The following OR9Q1 variants were observed in gnomAD, a reference collection of about 807,000 sequenced individuals.
OR9Q1 encodes olfactory receptor family 9 subfamily Q member 1, also known as olfactory receptor 9Q1.
For synonymous variants in OR9Q1, 153 were observed against 148.6 expected (o/e 1.03, Z -0.22); for missense variants, 374 against 378.8 (o/e 0.99, Z 0.11).
intron 2 of OR9Q1, among the ~76,000 whole-genome samples, chr11:58,082,174 C>G (rs1238535530): frequency 6.6e-6 from 1 of 152,082 alleles, no homozygotes; most frequent in Non-Finnish European, 1.5e-5. Context: ...GGACTGTAAA[C>G]TAGTTCAACC....
At chr11:58,162,995 G>A (rs1854470043) in intron 2 of OR9Q1, among the ~76,000 whole-genome samples, 1 of 152,152 alleles carries the variant, frequency 6.6e-6, no homozygotes, top group Non-Finnish European at 1.5e-5. Flanking sequence ...TGAGAGAGAA[G>A]CTTTGTTTGG....
In OR9Q1 at chr11:58,054,902, C is replaced by T. The variant is rs563484861; in HGVS notation, c.-92-968C>T. Among the ~76,000 whole-genome samples the T allele has an allele frequency of 6.6e-5, 10 of 152,250 alleles. 1 individual carries two copies. In the South Asian group the frequency reaches 1.0e-3, roughly 16 times the overall value. On this transcript the variant is annotated intron_variant, in intron 1 of 2. Coordinates refer to ENST00000335397, the MANE Select transcript of OR9Q1 (RefSeq NM_001005212.4). ...TCGCACCACTGCACTCCAGCCTGGG[C>T]GACAGAGCAAGACTTTGTCTCAAAC... is the stretch of plus-strand genomic sequence containing the variant.
At chr11:58,088,605 C>T (rs573374116) in intron 2 of OR9Q1, among the ~76,000 whole-genome samples, 2 of 152,066 alleles carry the variant, frequency 1.3e-5, no homozygotes, top group African/African-American at 2.4e-5. Flanking sequence ...GGTTTGTTGG[C>T]CGCATAAGTG....
At chr11:58,090,931 G>T (rs1458178936) in intron 2 of OR9Q1, among the ~76,000 whole-genome samples, 4 of 152,148 alleles carry the variant, frequency 2.6e-5, no homozygotes, top group African/African-American at 7.2e-5. Context: ...TATTTGCATA[G>T]AGGTATTTAT....
At chr11:58,057,181 CAG>C (rs1257737910) in intron 2 of OR9Q1, among the ~76,000 whole-genome samples, 24 of 152,004 alleles carry the variant, frequency 1.6e-4, no homozygotes, top group African/African-American at 5.8e-4. Flanking sequence ...TTAGTAGAGA[CAG>C]AGTTTTACCA....
intron 2 of OR9Q1, among the ~76,000 whole-genome samples, chr11:58,141,984 G>A (rs1366307896): frequency 6.6e-6 from 1 of 152,128 alleles, no homozygotes; most frequent in African/African-American, 2.4e-5. Flanking sequence ...TCAGAGAAGG[G>A]TGGTCCATTG....
chr11:58,126,442 T>C (rs2119829019), intron 2 of OR9Q1, among the ~76,000 whole-genome samples: 1 of 152,290 alleles, frequency 6.6e-6, no homozygotes, highest in South Asian at 2.1e-4. Context: ...AGAAGAAATC[T>C]CAAAGAGGCC....
intron 2 of OR9Q1, among the ~76,000 whole-genome samples, chr11:58,100,234 A>G (rs1478501252): frequency 6.6e-6 from 1 of 152,166 alleles, no homozygotes; most frequent in African/African-American, 2.4e-5. Context: ...TCTAACTCTC[A>G]ATGGAAGGAT....
chr11:58,142,434 C>T (rs1205655263), intron 2 of OR9Q1, among the ~76,000 whole-genome samples: 2 of 152,002 alleles, frequency 1.3e-5, no homozygotes, highest in African/African-American at 4.8e-5. Context: ...AATCATTGTT[C>T]TGGGAGAAGA....
chr11:58,073,625 A>G (rs1406962822), intron 2 of OR9Q1: 1 of 152,230 alleles, frequency 6.6e-6, no homozygotes, highest in Non-Finnish European at 1.5e-5. Flanking sequence ...GATAGCGAAG[A>G]CTTTGTTTTT....
intron 1 of OR9Q1, among the ~76,000 whole-genome samples, chr11:58,024,478 A>T (rs1852951213): frequency 6.6e-6 from 1 of 152,132 alleles, no homozygotes; most frequent in Admixed American, 6.5e-5. Flanking sequence ...AGCGTTTCTC[A>T]CCAGGCTTGT....
rs980261351 is a variant in OR9Q1, at chr11:58,122,993, C to T, written c.-14-56438C>T. On this transcript the variant is annotated intron_variant, in intron 2 of 2. Transcript: ENST00000335397. ...TTTTTCGGATTTTGTTATGGTCTTG[C>T]TTGGTATGCTTATAACATATTTTAC... Among the ~76,000 whole-genome samples, 3 of 149,952 alleles carry T rather than the reference C, an allele frequency of 2.0e-5. No homozygotes were observed. The South Asian group carries it at 6.3e-4, about 32-fold the overall frequency.
intron 2 of OR9Q1, among the ~76,000 whole-genome samples, chr11:58,066,938 C>G (rs1853435482): frequency 6.6e-6 from 1 of 152,330 alleles, no homozygotes; most frequent in South Asian, 2.1e-4. Context: ...CTCACCGGCA[C>G]TGGGGAGTGT....
intron 2 of OR9Q1, among the ~76,000 whole-genome samples, chr11:58,169,705 C>A (rs1480188429): frequency 6.6e-6 from 1 of 152,116 alleles, no homozygotes; most frequent in Non-Finnish European, 1.5e-5. Context: ...CCCCCTTCTT[C>A]TTCTCCTTTT....
intron 1 of OR9Q1, among the ~76,000 whole-genome samples, chr11:58,030,751 A>C (rs1853023916): frequency 6.6e-6 from 1 of 152,172 alleles, no homozygotes; most frequent in African/African-American, 2.4e-5. Context: ...TAGCCAGTGC[A>C]TTTCATTTTG....
chr11:58,058,244 G>T (rs1853345928), intron 2 of OR9Q1, among the ~76,000 whole-genome samples: 1 of 152,204 alleles, frequency 6.6e-6, no homozygotes, highest in African/African-American at 2.4e-5. Flanking sequence ...TGGCTGCCAG[G>T]TAGGCTTGGT....
In OR9Q1 at chr11:58,109,399, T is replaced by A. The variant is rs781385177; in HGVS notation, c.-15+53452T>A. The stretch of plus-strand genomic sequence containing the variant: ...GCAGCCATAGGAGATAACTGTCTTG[T>A]CTGTGGCCAGTGTGGCCAGAATCTG... On this transcript the variant is annotated intron_variant, in intron 2 of 2. Coordinates refer to ENST00000335397, the MANE Select transcript of OR9Q1 (RefSeq NM_001005212.4). 2.2e-5 allele frequency: 10 copies of A among 458,734 alleles called. No homozygotes were observed. The East Asian group carries it at 6.9e-4, about 32-fold the overall frequency. 28.4% of individuals were successfully genotyped at this position (458,734 alleles called of 1,614,324 possible).
At chr11:58,071,602 C>T (rs780761765) in intron 2 of OR9Q1, among the ~76,000 whole-genome samples, 5 of 152,108 alleles carry the variant, frequency 3.3e-5, no homozygotes, top group Admixed American at 6.6e-5. Flanking sequence ...GGGCCAATGG[C>T]GTAAAAGGAC....
At chr11:58,171,116 C>T (rs1854550468) in intron 2 of OR9Q1, 1 of 152,094 alleles carries the variant, frequency 6.6e-6, no homozygotes, top group Non-Finnish European at 1.5e-5. Flanking sequence ...CTTTGGAAAT[C>T]CTAGATAGTA....
Sources: allele counts gnomAD v4.1 joint callset (sites outside exome capture counted in the v4.1 genomes callset), GRCh38; gene constraint gnomAD v4.1.1; transcripts MANE v1.5; gene names NCBI Gene and HGNC (gene_info 2026-07-23, HGNC 2026-07-21).